Variants in RNF180 observed in about 807,000 individuals in gnomAD.
RNF180 encodes the protein E3 ubiquitin-protein ligase RNF180.
In RNF180, 38 loss-of-function variants were observed where a neutral mutation model predicts 59.2. The observed-to-expected ratio is 0.64, with a 90% CI of 0.50 to 0.84. The LOEUF is 0.84. RNF180 is among the 40% of genes least tolerant of loss of function. The pLI is 0.00. For missense variants in RNF180, 705 were observed against 700.9 expected, an observed-to-expected ratio of 1.01 and a Z score of -0.07; for synonymous variants, 262 against 240.3, an observed-to-expected ratio of 1.09 and a Z score of -0.84.
At chr5:64,343,513 T>C (rs55915101) in intron 7 of RNF180, among the ~76,000 whole-genome samples, 1 of 151,810 alleles carries the variant, frequency 6.6e-6, no homozygotes, top group African/African-American at 2.4e-5. Flanking sequence ...AATCTCAGCA[T>C]AGCCTAATTA....
rs185768668 is a variant in RNF180 at position 64,356,954 on chromosome 5, A to C, written c.1580-12661A>C. ...GTTATTGCCACTGAGTTGTACACTT[A>C]AAATTGGTTAAAATGACAAATGTTA... is the stretch of plus-strand genomic sequence containing the variant. On this transcript the variant is annotated intron_variant, in intron 7 of 7. Coordinates refer to ENST00000389100, the MANE Select transcript of RNF180 (RefSeq NM_001113561.2). Among the ~76,000 whole-genome samples, 7 of 152,016 alleles carry C rather than the reference A, an allele frequency of 4.6e-5. No homozygotes were observed. In the East Asian group the frequency reaches 1.2e-3, roughly 25 times the overall value.
At chr5:64,187,525 GT>G (rs1369602711) in intron 1 of RNF180, among the ~76,000 whole-genome samples, 1 of 152,150 alleles carries the variant, frequency 6.6e-6, no homozygotes, top group Admixed American at 6.6e-5. Context: ...TAAGAAGACT[GT>G]GGTCTCTCTC....
intron 7 of RNF180, among the ~76,000 whole-genome samples, chr5:64,338,909 C>T (rs180811170): frequency 1.4e-3 from 217 of 152,118 alleles, no homozygotes; most frequent in Admixed American, 5.2e-3. Flanking sequence ...GACATTAGAA[C>T]ACTGCTAGAT....
intron 5 of RNF180, among the ~76,000 whole-genome samples, chr5:64,271,500 A>C (rs1741396642): frequency 6.6e-6 from 1 of 152,072 alleles, no homozygotes; most frequent in Non-Finnish European, 1.5e-5. Flanking sequence ...CCTAGGAGCA[A>C]TAGGCTATAT....
At chr5:64,335,655 A>T (rs1263478000) in intron 7 of RNF180, among the ~76,000 whole-genome samples, 1 of 152,124 alleles carries the variant, frequency 6.6e-6, no homozygotes, top group African/African-American at 2.4e-5. Flanking sequence ...TCCTATAGCA[A>T]TACCATACTG....
intron 5 of RNF180, among the ~76,000 whole-genome samples, chr5:64,232,670 G>T (rs1180323943): frequency 1.3e-5 from 2 of 152,184 alleles, no homozygotes; most frequent in Non-Finnish European, 2.9e-5. Context: ...CTAAAGGATT[G>T]ACTTCAAAAA....
intron 5 of RNF180, among the ~76,000 whole-genome samples, chr5:64,239,770 C>A (rs1742688562): frequency 6.6e-6 from 1 of 152,058 alleles, no homozygotes; most frequent in African/African-American, 2.4e-5. Flanking sequence ...AAAAAATAAA[C>A]ATTACCTTCA....
chr5:64,372,799 A>G lies in RNF180; in HGVS notation c.*2985A>G, dbSNP rs138473328. ...CTTCTTGAAGTGTTTGATTGTCAGTAAATTTTCGAAGAACATTAAAGTTCT... is the reference window on the plus strand; with the variant it reads ...CTTCTTGAAGTGTTTGATTGTCAGTGAATTTTCGAAGAACATTAAAGTTCT... On this transcript the variant is annotated 3_prime_UTR_variant, in exon 8 of 8. Coordinates refer to ENST00000389100, the MANE Select transcript of RNF180 (RefSeq NM_001113561.2). 1.0e-3 allele frequency: 156 copies of G among 151,998 alleles called. No homozygotes were observed. The highest frequency in any genetic ancestry group is 3.6e-3 in the African/African-American group (150 of 41,540). 9.4% of individuals were successfully genotyped at this position (151,998 alleles called of 1,614,324 possible).
chr5:64,280,120 G>A (rs941328349), intron 5 of RNF180, among the ~76,000 whole-genome samples: 3 of 152,100 alleles, frequency 2.0e-5, no homozygotes, highest in African/African-American at 7.2e-5. Flanking sequence ...CCATGTGTAT[G>A]TCTTCTTTTG....
At chr5:64,297,098 A>G (rs1174319789) in intron 5 of RNF180, among the ~76,000 whole-genome samples, 1 of 152,158 alleles carries the variant, frequency 6.6e-6, no homozygotes, top group African/African-American at 2.4e-5. Flanking sequence ...CTAGATATAA[A>G]TAACAGTTCA....
intron 5 of RNF180, among the ~76,000 whole-genome samples, chr5:64,298,062 T>C (rs1448192578): frequency 1.3e-5 from 2 of 151,982 alleles, no homozygotes; most frequent in Non-Finnish European, 2.9e-5. Flanking sequence ...CCACCCACCA[T>C]GTATCCATGT....
intron 4 of RNF180, among the ~76,000 whole-genome samples, chr5:64,215,298 T>C (rs868542995): frequency 2.6e-5 from 4 of 152,184 alleles, no homozygotes; most frequent in Non-Finnish European, 2.9e-5. Flanking sequence ...TTATTCATAA[T>C]AGTGTCCTTA....
intron 6 of RNF180, among the ~76,000 whole-genome samples, chr5:64,326,983 C>G (rs1744675008): frequency 6.6e-6 from 1 of 152,066 alleles, no homozygotes; most frequent in African/African-American, 2.4e-5. Context: ...AATCTCATTA[C>G]CTGTGATTGG....
chr5:64,330,263 TC>T lies in RNF180; in HGVS notation c.1454-17del, dbSNP rs1744840702. 1 of 1,395,616 alleles carries T rather than the reference TC, an allele frequency of 7.2e-7. No individual in the cohort carries two copies. Among genetic ancestry groups the T allele is most frequent in the Non-Finnish European group, 9.8e-7 (1 of 1,018,912 alleles). The allele number at this position is 1,395,616 out of a possible 1,614,324, so 86.5% of individuals were successfully genotyped here. On this transcript the variant is annotated splice_polypyrimidine_tract_variant and intron_variant, in intron 6 of 7. Transcript: ENST00000389100. ...TCAAATTAATTTCAAAATCCTATTT[TC>T]TTTTGCTTTATTCTAGAATTGAACA...
At chr5:64,341,340 T>C (rs1230848973) in intron 7 of RNF180, among the ~76,000 whole-genome samples, 4 of 152,158 alleles carry the variant, frequency 2.6e-5, no homozygotes, top group African/African-American at 9.7e-5. Context: ...AGATGACTGA[T>C]ACTGGATTTT....
At chr5:64,355,237 G>A (rs545445880) in intron 7 of RNF180, among the ~76,000 whole-genome samples, 7 of 151,908 alleles carry the variant, frequency 4.6e-5, no homozygotes, top group African/African-American at 1.4e-4. Context: ...CAGGTTATAC[G>A]ATCAGCACAT....
chr5:64,323,086 C>T (rs1744453955), intron 5 of RNF180, among the ~76,000 whole-genome samples: 1 of 152,076 alleles, frequency 6.6e-6, no homozygotes, highest in Non-Finnish European at 1.5e-5. Context: ...AGTTAAAATG[C>T]ATAGATTAAC....
At chr5:64,193,826 C>T (rs1268330215) in intron 1 of RNF180, among the ~76,000 whole-genome samples, 1 of 152,154 alleles carries the variant, frequency 6.6e-6, no homozygotes. Context: ...AAGGGCTTGA[C>T]TTTTACCTAT....
intron 1 of RNF180, among the ~76,000 whole-genome samples, chr5:64,183,169 G>A (rs893752881): frequency 2.0e-5 from 3 of 152,110 alleles, no homozygotes; most frequent in Non-Finnish European, 4.4e-5. Flanking sequence ...TCCTCACAAA[G>A]TGATGGGAAT....
Sources: gnomAD v4.1 joint callset for allele counts (sites outside exome capture counted in the v4.1 genomes callset) on GRCh38, gnomAD v4.1.1 for gene constraint, MANE v1.5 for transcripts, NCBI Gene and HGNC (gene_info 2026-07-23, HGNC 2026-07-21) for gene names.